USH2A: variants seen among roughly 807,000 people sequenced by gnomAD.
USH2A encodes the protein usherin, also known as Usher syndrome 2A (autosomal recessive, mild).
Under a neutral mutation model 538.9 loss-of-function variants are expected in USH2A, and 443 were observed. The observed-to-expected ratio is 0.82, with a 90% confidence interval of 0.76 to 0.89. The LOEUF (loss-of-function observed/expected upper bound fraction) is 0.89, where lower values mean the gene tolerates loss of function less well. USH2A is among the 40% of genes least tolerant of loss of function. USH2A has a pLI of 0.00. For synonymous variants in USH2A, 2,413 were observed against 2,273.5 expected (o/e 1.06, Z -1.75); for missense variants, 6,633 against 6,324.8 (o/e 1.05, Z -1.65).
intron 21 of USH2A, among the ~76,000 whole-genome samples, chr1:216,100,849 G>A (rs74521546): frequency 0.018 from 2,667 of 152,214 alleles, 82 homozygotes; most frequent in African/African-American, 0.06. Flanking sequence ...ATGCAAGTTC[G>A]TGTGTTTTTC....
intron 21 of USH2A, among the ~76,000 whole-genome samples, chr1:216,117,849 CAG>C (rs1280484603): frequency 8.4e-6 from 1 of 118,796 alleles, no homozygotes; most frequent in Non-Finnish European, 1.8e-5. Context: ...TATACACACA[CAG>C]ATATATATAT....
intron 44 of USH2A, among the ~76,000 whole-genome samples, chr1:215,849,728 A>G (rs1663967605): frequency 2.0e-5 from 3 of 152,224 alleles, no homozygotes; most frequent in Admixed American, 2.0e-4. Flanking sequence ...AGGAACATTT[A>G]TAAAGGAGAA....
At chr1:216,172,263 A>G (rs2034288694) in intron 21 of USH2A, among the ~76,000 whole-genome samples, 1 of 152,100 alleles carries the variant, frequency 6.6e-6, no homozygotes, top group Non-Finnish European at 1.5e-5. Flanking sequence ...ATGGCCATGA[A>G]ATGTGTTATG....
At chr1:215,656,205 G>T (rs1292139835) in intron 64 of USH2A, among the ~76,000 whole-genome samples, 1 of 152,102 alleles carries the variant, frequency 6.6e-6, no homozygotes, top group African/African-American at 2.4e-5. Context: ...ATATCTTTCT[G>T]AAATAACCTT....
chr1:216,005,552 C>A (rs1239518917), intron 32 of USH2A, among the ~76,000 whole-genome samples: 1 of 152,078 alleles, frequency 6.6e-6, no homozygotes, highest in Non-Finnish European at 1.5e-5. Flanking sequence ...TATCCCCATG[C>A]CCTCTACCCA....
chr1:215,945,667 A>G (rs1666742075), intron 37 of USH2A, among the ~76,000 whole-genome samples: 1 of 152,144 alleles, frequency 6.6e-6, no homozygotes, highest in Non-Finnish European at 1.5e-5. Context: ...CATTGTCAGT[A>G]TACAAATGAA....
chr1:216,085,035 C>T (rs190978313), intron 24 of USH2A, 158 bp from the exon 25 acceptor site: 1 of 683,654 alleles, frequency 1.5e-6, no homozygotes, highest in Non-Finnish European at 2.5e-6. Context: ...ACACCATCAG[C>T]TATAGTAAAT....
Position 215,680,392 on chromosome 1 carries a change from C to G in USH2A, c.12067-16G>C. On this transcript the variant is annotated splice_polypyrimidine_tract_variant and intron_variant, in intron 61 of 71. Transcript: ENST00000307340. ...GGCTTGTTCCCTGTAAGAAAATTAA[C>G]AGGTTAAGTTGTTGTTTTTTTTTTT... 6.4e-7 allele frequency: 1 copy of G among 1,569,042 alleles called. No homozygotes were observed. Among genetic ancestry groups the G allele is most frequent in the Non-Finnish European group, 8.6e-7 (1 of 1,162,200 alleles).
intron 32 of USH2A, among the ~76,000 whole-genome samples, chr1:216,006,108 C>T (rs957027867): frequency 1.3e-5 from 2 of 152,156 alleles, no homozygotes; most frequent in Non-Finnish European, 2.9e-5. Context: ...AATAATGACT[C>T]ATCTCTGAAT....
chr1:215,658,858 T>G (rs1468344666), intron 64 of USH2A, among the ~76,000 whole-genome samples: 1 of 152,256 alleles, frequency 6.6e-6, no homozygotes, highest in South Asian at 2.1e-4. Context: ...CTAATGGATA[T>G]AGCATTAAAA....
chr1:215,923,293 T>G (rs952672437), intron 38 of USH2A, among the ~76,000 whole-genome samples: 6 of 151,830 alleles, frequency 4.0e-5, no homozygotes, highest in Non-Finnish European at 7.4e-5. Flanking sequence ...GGGAAAGAGC[T>G]GGGTTTTGGC....
chr1:215,747,637 G>C (rs1016591685), intron 58 of USH2A, among the ~76,000 whole-genome samples: 1 of 152,140 alleles, frequency 6.6e-6, no homozygotes, highest in African/African-American at 2.4e-5. Flanking sequence ...TTTTTTGGAG[G>C]GTGTTGCTTG....
intron 9 of USH2A, among the ~76,000 whole-genome samples, chr1:216,295,853 A>G (rs765317301): frequency 6.6e-6 from 1 of 152,024 alleles, no homozygotes; most frequent in Non-Finnish European, 1.5e-5. Flanking sequence ...AGGTTATTCT[A>G]TTGTTCTATT....
Position 215,647,548 on chromosome 1 carries a change from C to G in USH2A, c.14765G>C (p.Trp4922Ser). 1 of 1,614,026 alleles carries G rather than the reference C, an allele frequency of 6.2e-7. No individual in the cohort carries two copies. Among genetic ancestry groups the G allele is most frequent in the East Asian group, 2.2e-5 (1 of 44,874 alleles). The change falls in exon 67 of 72, where the codon TGG (tryptophan) becomes TCG (serine). Residue 4922 changes from tryptophan (W) to serine (S), a missense_variant. Coordinates refer to ENST00000307340, the MANE Select transcript of USH2A (RefSeq NM_206933.4). Reference protein sequence around the residue: ...HNEVGSTASEWISFTTQKELP... With the variant: ...HNEVGSTASESISFTTQKELP... The stretch of plus-strand genomic sequence containing the variant: ...TTCTTTTTGGGTGGTGAAACTGATC[C>G]ACTCGGAAGCCGTACTGCCCACCTC...
At chr1:216,398,319 G>A (rs1424879901) in intron 3 of USH2A, among the ~76,000 whole-genome samples, 1 of 152,172 alleles carries the variant, frequency 6.6e-6, no homozygotes, top group Non-Finnish European at 1.5e-5. Context: ...CTGAGGACTT[G>A]AGGAACAACA....
intron 21 of USH2A, among the ~76,000 whole-genome samples, chr1:216,102,412 A>C (rs2032604061): frequency 6.7e-6 from 1 of 150,182 alleles, no homozygotes. Flanking sequence ...TGTTAAATTT[A>C]TAATATATAA....
At chr1:216,077,758 A>T (rs2031799351) in intron 27 of USH2A, among the ~76,000 whole-genome samples, 1 of 149,896 alleles carries the variant, frequency 6.7e-6, no homozygotes. Flanking sequence ...ATATTTATTC[A>T]GTAAATAGTA....
chr1:215,939,652 T>C (rs1666587404), intron 37 of USH2A, among the ~76,000 whole-genome samples: 1 of 152,264 alleles, frequency 6.6e-6, no homozygotes, highest in East Asian at 1.9e-4. Flanking sequence ...ATGATTGCTG[T>C]CTCGAGAATA....
chr1:215,712,820 AT>A (rs5780847), intron 61 of USH2A, among the ~76,000 whole-genome samples: 2 of 150,216 alleles, frequency 1.3e-5, no homozygotes, highest in African/African-American at 2.4e-5. Flanking sequence ...TCTTTCTTTT[AT>A]TTTTTTTTGG....
Sources: gnomAD v4.1 joint callset for allele counts (sites outside exome capture counted in the v4.1 genomes callset) on GRCh38, gnomAD v4.1.1 for gene constraint, MANE v1.5 for transcripts, NCBI Gene and HGNC (gene_info 2026-07-23, HGNC 2026-07-21) for gene names.